The following BCAS3 variants were observed in gnomAD, a reference collection of about 807,000 sequenced individuals.
The protein encoded by BCAS3 is BCAS4/BCAS3 fusion.
In BCAS3, 53 loss-of-function variants were observed where a neutral mutation model predicts 116.1. The ratio of observed to expected loss-of-function variants is 0.46; its 90% CI spans 0.37 to 0.57. The LOEUF (loss-of-function observed/expected upper bound fraction) is 0.57. BCAS3 is among the 20% of genes least tolerant of loss of function. BCAS3 has a pLI of 0.00. For missense variants in BCAS3, 917 were observed against 1,165.4 expected (o/e 0.79, Z 3.10); for synonymous variants, 391 against 408.2 (o/e 0.96, Z 0.51).
intron 7 of BCAS3, among the ~76,000 whole-genome samples, chr17:60,840,275 T>G (rs2051779573): frequency 6.6e-6 from 1 of 152,222 alleles, no homozygotes; most frequent in Non-Finnish European, 1.5e-5. Flanking sequence ...AAGATCCTTT[T>G]GCATCTGTCT....
At position 61,196,916 on chromosome 17, in the gene BCAS3, A is replaced by G. The variant is rs1360508396; in HGVS notation, c.2425+112352A>G. Among the ~76,000 whole-genome samples, 3 of 152,230 alleles carry G rather than the reference A, an allele frequency of 2.0e-5. No individual in the cohort carries two copies. The highest frequency in any genetic ancestry group is 2.9e-5 in the Non-Finnish European group (2 of 68,046). ...GATTTATGTCCTGTTTACATCTCCC[A>G]AACACTTATGTAGAACATTCAATGC... On this transcript the variant is annotated intron_variant, in intron 22 of 23. Transcript: ENST00000407086. The surrounding 1 kb of genome is among the most constrained non-coding windows in gnomAD (Gnocchi z 4.7).
rs758955388 is a variant in BCAS3 at position 60,714,412 on chromosome 17, C to G, written c.321+5087C>G. 2.0e-5 allele frequency among the ~76,000 whole-genome samples: 3 copies of G among 152,176 alleles called. No individual in the cohort carries two copies. In the East Asian group the frequency reaches 5.8e-4, roughly 29 times the overall value. On this transcript the variant is annotated intron_variant, in intron 5 of 23. Transcript: ENST00000407086. Reference sequence around the variant, plus strand: ...TCCCGCGGTGGCTCATGTCTGTAATCCCAGCACTTTGGAGGCCAAGGCAAG... The same window carrying G: ...TCCCGCGGTGGCTCATGTCTGTAATGCCAGCACTTTGGAGGCCAAGGCAAG...
In BCAS3 at chr17:60,960,405, C is replaced by G. The variant is rs1206345190; in HGVS notation, c.1221+13053C>G. On this transcript the variant is annotated intron_variant, in intron 14 of 23. Transcript: ENST00000407086. This position sits in a 1 kb window ranked among gnomAD's most constrained non-coding sequence, Gnocchi z 4.1. ...TGTGAAACTACAATAAAAGTTACCTCCTGCCAAAATACAGTAGTAGGATAT... is the reference window on the plus strand; with the variant it reads ...TGTGAAACTACAATAAAAGTTACCTGCTGCCAAAATACAGTAGTAGGATAT... 6.6e-6 allele frequency among the ~76,000 whole-genome samples: 1 copy of G among 152,176 alleles called. No homozygotes were observed. Among genetic ancestry groups the G allele is most frequent in the Non-Finnish European group, 1.5e-5 (1 of 68,042 alleles).
chr17:60,925,849 A>ATT (rs111334653), intron 13 of BCAS3, among the ~76,000 whole-genome samples: 1 of 147,686 alleles, frequency 6.8e-6, no homozygotes, highest in Admixed American at 6.8e-5. Flanking sequence ...CTGATTTTAG[A>ATT]TTTTTTTTTT....
At position 60,990,129 on chromosome 17, in the gene BCAS3, A is replaced by G. The variant is rs2060909688; in HGVS notation, c.1380A>G (p.Lys460=). Residue 460 remains lysine, a synonymous_variant, in exon 15 of 24, where the codon AAA becomes AAG. Coordinates refer to ENST00000407086, the MANE Select transcript of BCAS3 (RefSeq NM_017679.5). This position sits in a 1 kb window ranked among gnomAD's most constrained non-coding sequence, Gnocchi z 5.1. ...TGAATCGCATGAGCCGTTTCCAGAA[A>G]AGTGCTGGACTGGAAGAGATTGAAC... The part of the protein sequence containing the change: ...RVVNRMSRFQ[K]SAGLEEIEQE... The G allele has an allele frequency of 8.1e-6, 13 of 1,614,046 alleles. No individual in the cohort carries two copies. Among genetic ancestry groups the G allele is most frequent in the Non-Finnish European group, 1.1e-5 (13 of 1,180,030 alleles).
At chr17:60,749,901 T>C (rs6503987) in intron 6 of BCAS3, among the ~76,000 whole-genome samples, 152,356 of 152,356 alleles carry the variant, frequency 1, 76,178 homozygotes, top group Non-Finnish European at 1. Flanking sequence ...GGCACGGTGG[T>C]TCATGCCTGT....
intron 22 of BCAS3, among the ~76,000 whole-genome samples, chr17:61,319,946 A>G (rs2055065381): frequency 7.1e-6 from 1 of 139,862 alleles, no homozygotes; most frequent in Admixed American, 7.5e-5. Context: ...GCTGGAGTGT[A>G]GTGGCACAGT....
intron 7 of BCAS3, among the ~76,000 whole-genome samples, chr17:60,823,341 T>C (rs1396718618): frequency 6.6e-6 from 1 of 152,058 alleles, no homozygotes; most frequent in Non-Finnish European, 1.5e-5. Flanking sequence ...GTGAGGGGAA[T>C]GGTGCAGATA....
In BCAS3 at chr17:61,365,170, C is replaced by T. The variant is rs2058659651; in HGVS notation, c.2426-3157C>T. Among the ~76,000 whole-genome samples, 1 of 152,170 alleles carries T rather than the reference C, an allele frequency of 6.6e-6. No individual in the cohort carries two copies. Among genetic ancestry groups the T allele is most frequent in the Admixed American group, 6.5e-5 (1 of 15,278 alleles). ...GTGTTAGTCTTTCTTGAAGTCCAGG[C>T]CTATTTCCATCCACCACTATGACAC... On this transcript the variant is annotated intron_variant, in intron 22 of 23. Transcript: ENST00000407086. This position sits in a 1 kb window ranked among gnomAD's most constrained non-coding sequence, Gnocchi z 4.6.
chr17:61,337,200 C>T lies in BCAS3; in HGVS notation c.2426-31127C>T, dbSNP rs886438239. On this transcript the variant is annotated intron_variant, in intron 22 of 23. Transcript: ENST00000407086. The surrounding 1 kb of genome is among the most constrained non-coding windows in gnomAD (Gnocchi z 4.8). The stretch of plus-strand genomic sequence containing the variant: ...TCCCTTTTTTATACTTTATTTAAAT[C>T]GCCTCACCCGAGTGGAACAGGGACG... Among the ~76,000 whole-genome samples the T allele has an allele frequency of 5.3e-5, 8 of 152,278 alleles. No homozygotes were observed. Among genetic ancestry groups the T allele is most frequent in the East Asian group, 1.9e-4 (1 of 5,190 alleles).
intron 15 of BCAS3, 70 bp from the exon 16 acceptor site, chr17:61,015,681 T>C (rs935036200): frequency 6.7e-7 from 1 of 1,495,488 alleles, no homozygotes; most frequent in African/African-American, 1.4e-5. Context: ...GTGAAAACCC[T>C]ATCGGAGATA....
In BCAS3 at chr17:60,747,246, C is replaced by A. The variant is rs1321744067; in HGVS notation, c.370C>A (p.Arg124=). The change falls in exon 6 of 24, where the codon CGA becomes AGA. Residue 124 remains arginine, a synonymous_variant. Transcript: ENST00000407086. ...CTTCTCTGTTCGACATGGCCCAATT[C>A]GAGCGGCTAGAATCTTGCCTGCTCC... ...ELFSVRHGPI[R]AARILPAPQF... The A allele has an allele frequency of 6.2e-7, 1 of 1,613,224 alleles. No homozygotes were observed.
At chr17:60,894,313 C>A (rs1423667271) in intron 10 of BCAS3, among the ~76,000 whole-genome samples, 1 of 151,904 alleles carries the variant, frequency 6.6e-6, no homozygotes, top group African/African-American at 2.4e-5. Context: ...TAAATTTCTT[C>A]TTATATATAT....
In BCAS3 at chr17:61,068,507, T is replaced by C. The variant is rs539972602; in HGVS notation, c.2030-6413T>C. 5.4e-4 allele frequency among the ~76,000 whole-genome samples: 83 copies of C among 152,352 alleles called. No homozygotes were observed. The Middle Eastern group carries it at 0.02, about 37-fold the overall frequency. On this transcript the variant is annotated intron_variant, in intron 19 of 23. Coordinates refer to ENST00000407086, the MANE Select transcript of BCAS3 (RefSeq NM_017679.5). This position sits in a 1 kb window ranked among gnomAD's most constrained non-coding sequence, Gnocchi z 4.3. ...TCAGTTGTCTGGACTATGTCCATAT[T>C]ATTCTTGTACATGTATGAAACATTC...
chr17:61,141,977 A>G lies in BCAS3; in HGVS notation c.2425+57413A>G. On this transcript the variant is annotated intron_variant, in intron 22 of 23. Coordinates refer to ENST00000407086, the MANE Select transcript of BCAS3 (RefSeq NM_017679.5). This position sits in a 1 kb window ranked among gnomAD's most constrained non-coding sequence, Gnocchi z 4.3. ...TTGAAAGAAGTTTGTTGAGGATAAG[A>G]TTTATTTAAATGGAGTAGTTTTACT... Among the ~76,000 whole-genome samples the G allele has an allele frequency of 6.6e-6, 1 of 151,646 alleles. No individual in the cohort carries two copies. The highest frequency in any genetic ancestry group is 2.1e-4 in the South Asian group (1 of 4,822).
chr17:60,691,679 G>T (rs1449579078), intron 4 of BCAS3, among the ~76,000 whole-genome samples: 1 of 147,768 alleles, frequency 6.8e-6, no homozygotes, highest in Non-Finnish European at 1.5e-5. Context: ...CTCCTATCCT[G>T]TGAGTTGCCT....
intron 20 of BCAS3, among the ~76,000 whole-genome samples, chr17:61,076,532 C>G (rs991093862): frequency 6.6e-6 from 1 of 152,070 alleles, no homozygotes; most frequent in Non-Finnish European, 1.5e-5. Context: ...TGTGTTTTTT[C>G]CAAAATCAAA....
At chr17:61,312,435 C>T (rs1449500916) in intron 22 of BCAS3, among the ~76,000 whole-genome samples, 1 of 152,216 alleles carries the variant, frequency 6.6e-6, no homozygotes, top group Non-Finnish European at 1.5e-5. Context: ...CTTGGCCATG[C>T]TGTTGGGGTA....
chr17:60,744,221 T>G (rs1054442188), intron 5 of BCAS3, among the ~76,000 whole-genome samples: 3 of 152,210 alleles, frequency 2.0e-5, no homozygotes, highest in Non-Finnish European at 2.9e-5. Context: ...ATTGTTGGTT[T>G]AAAAGTGAAC....
Sources: gnomAD v4.1 joint callset for allele counts (sites outside exome capture counted in the v4.1 genomes callset) on GRCh38, gnomAD v4.1.1 for gene constraint, Gnocchi (gnomAD v3.1) non-coding constraint, MANE v1.5 for transcripts, NCBI Gene and HGNC (gene_info 2026-07-23, HGNC 2026-07-21) for gene names.